PPP1R1C: variants seen among roughly 807,000 people sequenced by gnomAD.
The protein encoded by PPP1R1C is protein phosphatase 1 regulatory inhibitor subunit 1C, also known as protein phosphatase 1 regulatory subunit 1C.
PPP1R1C carries 15 observed loss-of-function variants against 17.4 expected under a neutral mutation model. The ratio of observed to expected loss-of-function variants is 0.86; its 90% CI spans 0.58 to 1.33. The LOEUF (loss-of-function observed/expected upper bound fraction) is 1.33, where lower values mean the gene tolerates loss of function less well. PPP1R1C is among the 40% of genes most tolerant of loss of function. The pLI is 0.00. For synonymous variants in PPP1R1C, 35 were observed against 43.1 expected (o/e 0.81, Z 0.73); for missense variants, 143 against 130.0 (o/e 1.10, Z -0.48).
At chr2:181,997,435 CT>C (rs1298879893) in intron 2 of PPP1R1C, among the ~76,000 whole-genome samples, 2 of 151,854 alleles carry the variant, frequency 1.3e-5, no homozygotes, top group East Asian at 3.9e-4. Flanking sequence ...TCTTGAAAAG[CT>C]TTGAAAATTC....
intron 2 of PPP1R1C, among the ~76,000 whole-genome samples, chr2:182,046,873 T>C (rs774760713): frequency 3.3e-5 from 5 of 152,122 alleles, no homozygotes; most frequent in Non-Finnish European, 7.4e-5. Context: ...TCTCTAGAAA[T>C]GAAAATCTGT....
At chr2:181,971,092 C>T (rs1412527179) in intron 1 of PPP1R1C, among the ~76,000 whole-genome samples, 4 of 152,146 alleles carry the variant, frequency 2.6e-5, no homozygotes, top group Non-Finnish European at 5.9e-5. Context: ...TTCCATGCCA[C>T]AAGACAAAGT....
intron 2 of PPP1R1C, among the ~76,000 whole-genome samples, chr2:181,979,758 C>G (rs1013762389): frequency 6.6e-6 from 1 of 152,234 alleles, no homozygotes; most frequent in Non-Finnish European, 1.5e-5. Context: ...TGGAGCCTGT[C>G]TCTATGTAAA....
At chr2:182,095,167 C>T (rs1416047275) in intron 4 of PPP1R1C, among the ~76,000 whole-genome samples, 1 of 152,066 alleles carries the variant, frequency 6.6e-6, no homozygotes, top group African/African-American at 2.4e-5. Context: ...GGTGTGGTGG[C>T]ATGGACCTGT....
intron 2 of PPP1R1C, among the ~76,000 whole-genome samples, chr2:182,039,934 T>C (rs913338973): frequency 2.0e-5 from 3 of 152,198 alleles, no homozygotes; most frequent in Non-Finnish European, 4.4e-5. Flanking sequence ...AATTACTTCA[T>C]TCAGAATAAT....
At chr2:182,104,509 A>G (rs1689190524) in intron 4 of PPP1R1C, among the ~76,000 whole-genome samples, 1 of 152,162 alleles carries the variant, frequency 6.6e-6, no homozygotes, top group Non-Finnish European at 1.5e-5. Context: ...ATTGATTTGT[A>G]TATGTTGAAC....
At chr2:181,956,703 G>A (rs1437127876) in intron 1 of PPP1R1C, among the ~76,000 whole-genome samples, 1 of 152,088 alleles carries the variant, frequency 6.6e-6, no homozygotes, top group Non-Finnish European at 1.5e-5. Flanking sequence ...CTTTTGAAAA[G>A]TATCTGTTCA....
chr2:182,001,942 C>T (rs12623537), intron 2 of PPP1R1C, among the ~76,000 whole-genome samples: 45,634 of 151,928 alleles, frequency 0.3, 8,085 homozygotes, highest in Non-Finnish European at 0.37. Context: ...CAGTCATATA[C>T]GTATAGCTTC....
chr2:181,987,322 T>A (rs1296428097), intron 1 of PPP1R1C, among the ~76,000 whole-genome samples: 1 of 152,186 alleles, frequency 6.6e-6, no homozygotes, highest in Non-Finnish European at 1.5e-5. Flanking sequence ...TCCATATTTA[T>A]TCTTCATTTG....
intron 4 of PPP1R1C, among the ~76,000 whole-genome samples, chr2:182,091,102 A>G (rs1157345294): frequency 6.6e-6 from 1 of 152,214 alleles, no homozygotes; most frequent in South Asian, 2.1e-4. Flanking sequence ...TTAAAGGAGT[A>G]ATAAATTACC....
chr2:182,113,689 A>G (rs1293588861), intron 4 of PPP1R1C, among the ~76,000 whole-genome samples: 1 of 151,914 alleles, frequency 6.6e-6, no homozygotes, highest in Non-Finnish European at 1.5e-5. Context: ...TTAGAACTAA[A>G]TTAACCTTTC....
intron 2 of PPP1R1C, among the ~76,000 whole-genome samples, chr2:182,054,918 C>T (rs1402011309): frequency 1.3e-5 from 2 of 152,152 alleles, no homozygotes; most frequent in African/African-American, 2.4e-5. Context: ...GCGTTGGCCT[C>T]CCAAAGTGCT....
intron 2 of PPP1R1C, among the ~76,000 whole-genome samples, chr2:182,028,453 C>T (rs1484659491): frequency 6.6e-6 from 1 of 152,012 alleles, no homozygotes; most frequent in African/African-American, 2.4e-5. Context: ...TTATTTCTGC[C>T]TTCATTTCAT....
At chr2:182,099,511 T>C (rs936090127) in intron 4 of PPP1R1C, among the ~76,000 whole-genome samples, 1 of 152,134 alleles carries the variant, frequency 6.6e-6, no homozygotes, top group African/African-American at 2.4e-5. Flanking sequence ...GCTGTGACCA[T>C]AATACAAGGA....
chr2:182,060,726 G>A (rs1687825263), intron 2 of PPP1R1C, among the ~76,000 whole-genome samples: 1 of 152,030 alleles, frequency 6.6e-6, no homozygotes, highest in Non-Finnish European at 1.5e-5. Flanking sequence ...TTTGAGCCTT[G>A]GGCCTAGCAT....
intron 4 of PPP1R1C, among the ~76,000 whole-genome samples, chr2:182,070,603 C>A (rs1477073593): frequency 6.6e-6 from 1 of 152,154 alleles, no homozygotes; most frequent in Non-Finnish European, 1.5e-5. Context: ...TTTTCATATA[C>A]CCCATATCCA....
chr2:182,028,385 G>A (rs1410222621), intron 2 of PPP1R1C, among the ~76,000 whole-genome samples: 4 of 150,772 alleles, frequency 2.7e-5, no homozygotes, highest in Non-Finnish European at 5.9e-5. Context: ...TGCTTTGAAT[G>A]CATCCCAGAG....
At chr2:182,096,376 G>A (rs1029604807) in intron 4 of PPP1R1C, among the ~76,000 whole-genome samples, 2 of 152,172 alleles carry the variant, frequency 1.3e-5, no homozygotes, top group African/African-American at 4.8e-5. Context: ...GAGAAAGACA[G>A]AGTGACCTTG....
At chr2:182,033,437 A>G (rs1464622047) in intron 2 of PPP1R1C, among the ~76,000 whole-genome samples, 1 of 152,332 alleles carries the variant, frequency 6.6e-6, no homozygotes, top group South Asian at 2.1e-4. Context: ...TCCCAGAGGC[A>G]TATCAATTTA....
Sources: gnomAD v4.1 joint callset for allele counts (sites outside exome capture counted in the v4.1 genomes callset) on GRCh38, gnomAD v4.1.1 for gene constraint, MANE v1.5 for transcripts, NCBI Gene and HGNC (gene_info 2026-07-23, HGNC 2026-07-21) for gene names.